Variants in KLHL8 observed in about 807,000 individuals in gnomAD.
The protein encoded by KLHL8 is kelch-like protein 8.
KLHL8 carries 38 observed loss-of-function variants against 63.5 expected under a neutral mutation model. The observed-to-expected ratio is 0.60, with a 90% confidence interval of 0.46 to 0.78. KLHL8 has a LOEUF of 0.78. Ranked by LOEUF, KLHL8 falls within the 30% of genes least tolerant of loss-of-function variation. The pLI is 0.00. For synonymous variants in KLHL8, 224 were observed against 254.3 expected (o/e 0.88, Z 1.13); for missense variants, 566 against 752.4 (o/e 0.75, Z 2.90).
At chr4:87,209,848 GTT>G (rs35717106) in intron 1 of KLHL8, among the ~76,000 whole-genome samples, 124 of 105,394 alleles carry the variant, frequency 1.2e-3, no homozygotes, top group Middle Eastern at 5.1e-3. Flanking sequence ...TCCGTTTTGG[GTT>G]TTTTTTTTTT....
chr4:87,231,952 T>C (rs1336602038), intron 1 of KLHL8, among the ~76,000 whole-genome samples: 1 of 152,204 alleles, frequency 6.6e-6, no homozygotes, highest in African/African-American at 2.4e-5. Flanking sequence ...TAATGCTTTA[T>C]TTCTATAACC....
Position 87,170,434 on chromosome 4 carries a change from C to T in KLHL8, c.1377+13G>A, listed in dbSNP as rs1299370340. 2 of 1,586,646 alleles carry T rather than the reference C, an allele frequency of 1.3e-6. No homozygotes were observed. Among genetic ancestry groups the T allele is most frequent in the Non-Finnish European group, 1.7e-6 (2 of 1,170,070 alleles). The stretch of plus-strand genomic sequence containing the variant: ...TGCAATGTAATTTAATGACAAGTTG[C>T]CATATAACTTACTACTAGAGCAACA... On this transcript the variant is annotated intron_variant, in intron 7 of 9. Coordinates refer to ENST00000273963, the MANE Select transcript of KLHL8 (RefSeq NM_020803.5).
chr4:87,170,225 G>A lies in KLHL8; in HGVS notation c.1391C>T (p.Ala464Val). Residue 464 changes from alanine (A) to valine (V), a missense_variant, in exon 8 of 10, where the codon GCA (alanine) becomes GTA (valine). Transcript: ENST00000273963. ...AGCCATTCCATCATTGCCACCTACT[G>A]CATAAACATGGTTCTAAATGAAGAG... is the stretch of plus-strand genomic sequence containing the variant. ...GSVALVNHVY[A>V]VGGNDGMASL... 6.2e-7 allele frequency: 1 copy of A among 1,610,818 alleles called. No individual in the cohort carries two copies.
At chr4:87,199,402 C>T (rs141551931) in intron 1 of KLHL8, among the ~76,000 whole-genome samples, 3 of 152,024 alleles carry the variant, frequency 2.0e-5, no homozygotes, top group Non-Finnish European at 2.9e-5. Flanking sequence ...CATAAAGCTA[C>T]TGGAGGAAAA....
In KLHL8 at chr4:87,227,215, G is replaced by T. The variant is rs1578411199; in HGVS notation, n.58-5825C>A. ...GATGGCTGAAAGCCCAGCTAAAAGT[G>T]CAACTATTGCACAGGACTTTGGGGA... On this transcript the variant is annotated intron_variant and non_coding_transcript_variant, in intron 1 of 1. Coordinates refer to the KLHL8 transcript ENST00000506274. Among the ~76,000 whole-genome samples, 5 of 151,676 alleles carry T rather than the reference G, an allele frequency of 3.3e-5. No individual in the cohort carries two copies. In the East Asian group the frequency reaches 9.8e-4, roughly 30 times the overall value.
In KLHL8 at chr4:87,162,359, C is replaced by T. The variant is rs1730207644; in HGVS notation, c.*1160G>A. ...GTCCATCAATATCCTGGCTTCAAAT[C>T]AATATGTAGAAATATTTTTAATTAA... On this transcript the variant is annotated 3_prime_UTR_variant, in exon 10 of 10. Transcript: ENST00000273963. 6.6e-6 allele frequency: 1 copy of T among 152,108 alleles called. No individual in the cohort carries two copies. The highest frequency in any genetic ancestry group is 2.4e-5 in the African/African-American group (1 of 41,408). 9.4% of individuals were successfully genotyped at this position (152,108 alleles called of 1,614,324 possible). A position where few individuals can be genotyped will look rare whatever the true frequency, so the allele number is the denominator to read the frequency against.
chr4:87,182,629 G>A (rs1731099016), intron 4 of KLHL8, among the ~76,000 whole-genome samples: 2 of 152,008 alleles, frequency 1.3e-5, no homozygotes, highest in Non-Finnish European at 2.9e-5. Flanking sequence ...AAGCGAACAT[G>A]AACTATTTTC....
chr4:87,203,535 GAAAA>G (rs565987676), intron 1 of KLHL8, among the ~76,000 whole-genome samples: 1 of 75,746 alleles, frequency 1.3e-5, no homozygotes, highest in Non-Finnish European at 2.8e-5. Context: ...TCTCACAAAA[GAAAA>G]AAAAAAAAAA....
chr4:87,208,058 T>C, intron 1 of KLHL8: 1 of 602,726 alleles, frequency 1.7e-6, no homozygotes, highest in Admixed American at 2.0e-5. Flanking sequence ...AACAAGGTCG[T>C]GGACCTCATG....
At chr4:87,238,000 A>G (rs542742123) in intron 1 of KLHL8, among the ~76,000 whole-genome samples, 8 of 152,280 alleles carry the variant, frequency 5.3e-5, no homozygotes, top group Admixed American at 4.6e-4. Context: ...CAGTGGCACA[A>G]TCTCAGCTCA....
chr4:87,180,295 G>C (rs1039683892), intron 4 of KLHL8, among the ~76,000 whole-genome samples: 2 of 152,172 alleles, frequency 1.3e-5, no homozygotes, highest in Admixed American at 6.5e-5. Flanking sequence ...GCATTAACAA[G>C]GACTAGCACA....
At chr4:87,189,330 T>C (rs1468842499) in intron 2 of KLHL8, among the ~76,000 whole-genome samples, 1 of 152,288 alleles carries the variant, frequency 6.6e-6, no homozygotes, top group Admixed American at 6.5e-5. Flanking sequence ...AGGTGGGAGC[T>C]TCAGGCTAAA....
intron 6 of KLHL8, among the ~76,000 whole-genome samples, chr4:87,176,113 G>A (rs1402859621): frequency 6.6e-6 from 1 of 152,332 alleles, no homozygotes; most frequent in African/African-American, 2.4e-5. Flanking sequence ...ACTGTTCAAT[G>A]CTAATTTCAG....
At chr4:87,205,840 G>T (rs1418177961) in intron 1 of KLHL8, among the ~76,000 whole-genome samples, 2 of 152,226 alleles carry the variant, frequency 1.3e-5, no homozygotes, top group African/African-American at 4.8e-5. Context: ...GCAAGATGGA[G>T]TGAAGCCCAA....
intron 1 of KLHL8, among the ~76,000 whole-genome samples, chr4:87,211,441 T>C (rs1451338890): frequency 6.6e-6 from 1 of 152,226 alleles, no homozygotes; most frequent in African/African-American, 2.4e-5. Flanking sequence ...ATAGCTTCAA[T>C]AGTTCCTACT....
At chr4:87,206,846 T>G (rs570243598) in intron 1 of KLHL8, among the ~76,000 whole-genome samples, 4 of 152,346 alleles carry the variant, frequency 2.6e-5, no homozygotes, top group Admixed American at 1.3e-4. Flanking sequence ...CGTTCACTTT[T>G]TTTCTTTTGT....
At chr4:87,239,657 C>T (rs1733293778) in intron 1 of KLHL8, among the ~76,000 whole-genome samples, 1 of 152,090 alleles carries the variant, frequency 6.6e-6, no homozygotes, top group Admixed American at 6.5e-5. Flanking sequence ...CAAGAGGCAG[C>T]AGGTGTTTCA....
At chr4:87,222,354 C>T (rs1292499553), upstream of KLHL8, among the ~76,000 whole-genome samples, 1 of 152,116 alleles carries the variant, frequency 6.6e-6, no homozygotes, top group African/African-American at 2.4e-5. Flanking sequence ...TCCCTTTCCC[C>T]CATAAAGAAG....
At chr4:87,195,223 A>AT (rs1578383452) in intron 2 of KLHL8, 101 bp downstream of exon 2, 2 of 812,572 alleles carry the variant, frequency 2.5e-6, no homozygotes, top group East Asian at 5.3e-5. Context: ...ACTGTATCAA[A>AT]TATGTATAGC....
Sources: allele counts gnomAD v4.1 joint callset (sites outside exome capture counted in the v4.1 genomes callset), GRCh38; gene constraint gnomAD v4.1.1; transcripts MANE v1.5; gene names NCBI Gene and HGNC (gene_info 2026-07-23, HGNC 2026-07-21).